Variants in CELF4 observed in about 807,000 individuals in gnomAD.
The protein encoded by CELF4 is CUG-BP- and ETR-3-like factor 4.
CELF4 carries 18 observed loss-of-function variants against 59.9 expected under a neutral mutation model. That is an observed-to-expected ratio of 0.30 (90% CI 0.21 to 0.45). CELF4 has a LOEUF of 0.45. CELF4 is among the 20% of genes least tolerant of loss of function. The pLI is 1.00. For missense variants in CELF4, 456 were observed against 689.0 expected, an observed-to-expected ratio of 0.66 and a Z score of 3.79; for synonymous variants, 261 against 267.1, an observed-to-expected ratio of 0.98 and a Z score of 0.22.
chr18:37,494,558 C>T (rs979384180), intron 1 of CELF4, among the ~76,000 whole-genome samples: 9 of 152,138 alleles, frequency 5.9e-5, no homozygotes, highest in African/African-American at 2.2e-4. Context: ...TGGCAGAGGG[C>T]CTTGATTTGC....
At chr18:37,563,390 T>C (rs12608014) in intron 1 of CELF4, among the ~76,000 whole-genome samples, 129,780 of 152,086 alleles carry the variant, frequency 0.85, 58,135 homozygotes, top group Non-Finnish European at 0.98. Flanking sequence ...TAAATCACCA[T>C]AAAAACTGAT....
At chr18:37,481,931 A>G (rs2099868458) in intron 2 of CELF4, among the ~76,000 whole-genome samples, 2 of 152,364 alleles carry the variant, frequency 1.3e-5, no homozygotes, top group South Asian at 2.1e-4. Context: ...AGGGATAATC[A>G]TGACATCTTC....
chr18:37,377,832 G>A (rs911225569), intron 2 of CELF4, among the ~76,000 whole-genome samples: 7 of 152,174 alleles, frequency 4.6e-5, no homozygotes, highest in Non-Finnish European at 8.8e-5. Context: ...CTGGAGGAAA[G>A]TGGGTTTCTG....
intron 2 of CELF4, among the ~76,000 whole-genome samples, chr18:37,325,799 A>T (rs1379857571): frequency 6.6e-6 from 1 of 152,234 alleles, no homozygotes; most frequent in Non-Finnish European, 1.5e-5. Context: ...CCATGCAGCC[A>T]TGGCTCCTGG....
chr18:37,366,746 T>C (rs1445357852), intron 2 of CELF4, among the ~76,000 whole-genome samples: 2 of 152,152 alleles, frequency 1.3e-5, no homozygotes, highest in Admixed American at 1.3e-4. Context: ...AGTAGCATCC[T>C]TGGGGTCACA....
At chr18:37,259,020 G>T in intron 11 of CELF4, 161 bp downstream of exon 11, 1 of 1,038,466 alleles carries the variant, frequency 9.6e-7, no homozygotes, top group Non-Finnish European at 1.4e-6. Flanking sequence ...TGGGGCGGGG[G>T]CAATGTGAAG....
At position 37,479,189 on chromosome 18, in the gene CELF4, C is replaced by T. The variant is rs114907830; in HGVS notation, c.369+6336G>A. On this transcript the variant is annotated intron_variant, in intron 2 of 12. Coordinates refer to ENST00000420428, the MANE Select transcript of CELF4 (RefSeq NM_020180.4). ...TGCTCCTGCCCGTACTCCCCACCTA[C>T]CCGGTGCTCACACCATTGGAGCTTT... is the stretch of plus-strand genomic sequence containing the variant. Among the ~76,000 whole-genome samples, 679 of 152,342 alleles carry T rather than the reference C, an allele frequency of 4.5e-3. 5 individuals carry two copies. The highest frequency in any genetic ancestry group is 0.016 in the African/African-American group (651 of 41,578).
chr18:37,489,641 A>G (rs1275169720), intron 1 of CELF4, among the ~76,000 whole-genome samples: 1 of 152,212 alleles, frequency 6.6e-6, no homozygotes, highest in Admixed American at 6.5e-5. Flanking sequence ...TCAGCCCAGC[A>G]GCCACTAATC....
chr18:37,499,516 T>C (rs1240015592), intron 1 of CELF4, among the ~76,000 whole-genome samples: 1 of 151,914 alleles, frequency 6.6e-6, no homozygotes, highest in Non-Finnish European at 1.5e-5. Flanking sequence ...CCCAAGAGGG[T>C]GGCAGGTCCC....
chr18:37,476,483 C>A (rs2099849458), intron 2 of CELF4, among the ~76,000 whole-genome samples: 2 of 152,230 alleles, frequency 1.3e-5, no homozygotes, highest in Non-Finnish European at 2.9e-5. Context: ...GAGACCTTAT[C>A]TCCCCTGCAC....
chr18:37,245,496 C>T lies in CELF4; in HGVS notation c.*45-299G>A, dbSNP rs143322136. 6.6e-6 allele frequency among the ~76,000 whole-genome samples: 1 copy of T among 152,168 alleles called. No individual in the cohort carries two copies. The highest frequency in any genetic ancestry group is 1.5e-5 in the Non-Finnish European group (1 of 68,012). Reference sequence around the variant, plus strand: ...TAGCATTCTGGATTGGGGGTAGCTACATCTAAGGGGAGAATTTGGGACTGC... The same window carrying T: ...TAGCATTCTGGATTGGGGGTAGCTATATCTAAGGGGAGAATTTGGGACTGC... On this transcript the variant is annotated intron_variant, in intron 12 of 12. Transcript: ENST00000420428. The surrounding 1 kb of genome is among the most constrained non-coding windows in gnomAD (Gnocchi z 4.1).
chr18:37,550,777 G>A (rs940419559), intron 1 of CELF4, among the ~76,000 whole-genome samples: 17 of 152,332 alleles, frequency 1.1e-4, no homozygotes, highest in African/African-American at 3.6e-4. Context: ...CCTGCCTCAC[G>A]CTGGCTCCCT....
At chr18:37,564,616 A>T (rs2099987580) in intron 1 of CELF4, among the ~76,000 whole-genome samples, 1 of 152,048 alleles carries the variant, frequency 6.6e-6, no homozygotes, top group Admixed American at 6.5e-5. Context: ...TTTTTCCCAA[A>T]GCCCCGCTTT....
chr18:37,305,083 A>T (rs2096308312), intron 3 of CELF4, among the ~76,000 whole-genome samples: 1 of 152,168 alleles, frequency 6.6e-6, no homozygotes, highest in Admixed American at 6.5e-5. Context: ...GAAATATAAA[A>T]ATATCTGGGA....
chr18:37,428,437 AAGCAG>A (rs2099627804), intron 2 of CELF4, among the ~76,000 whole-genome samples: 1 of 152,124 alleles, frequency 6.6e-6, no homozygotes, highest in Non-Finnish European at 1.5e-5. Context: ...AGGAGGTGCT[AAGCAG>A]AGAGGTTTTT....
intron 1 of CELF4, among the ~76,000 whole-genome samples, chr18:37,547,165 G>GTA (rs1367299475): frequency 6.6e-6 from 1 of 150,466 alleles, no homozygotes; most frequent in Non-Finnish European, 1.5e-5. Flanking sequence ...TGTGTGGTGT[G>GTA]TGTGTGTGTG....
At position 37,253,502 on chromosome 18, in the gene CELF4, G is replaced by C. The variant is rs2066866666; in HGVS notation, c.*44+265C>G. Among the ~76,000 whole-genome samples, 1 of 152,196 alleles carries C rather than the reference G, an allele frequency of 6.6e-6. No individual in the cohort carries two copies. The highest frequency in any genetic ancestry group is 1.5e-5 in the Non-Finnish European group (1 of 68,026). On this transcript the variant is annotated intron_variant, in intron 12 of 12. Coordinates refer to ENST00000420428, the MANE Select transcript of CELF4 (RefSeq NM_020180.4). This position sits in a 1 kb window ranked among gnomAD's most constrained non-coding sequence, Gnocchi z 4.5. ...TGCCAATGTAGACCCGGAGGCGCAG[G>C]CCCAGGGCTCGCCTCACCCGCCCGG...
intron 2 of CELF4, among the ~76,000 whole-genome samples, chr18:37,364,453 T>C (rs1191687381): frequency 6.6e-6 from 1 of 152,198 alleles, no homozygotes; most frequent in Non-Finnish European, 1.5e-5. Flanking sequence ...GAAGACAGCA[T>C]GGAACACAAG....
At chr18:37,337,109 G>T (rs2097796171) in intron 2 of CELF4, among the ~76,000 whole-genome samples, 1 of 151,914 alleles carries the variant, frequency 6.6e-6, no homozygotes. Flanking sequence ...TCCTGTCTCT[G>T]CTTCCTCCTC....
Sources: gnomAD v4.1 joint callset for allele counts (sites outside exome capture counted in the v4.1 genomes callset) on GRCh38, gnomAD v4.1.1 for gene constraint, Gnocchi (gnomAD v3.1) non-coding constraint, MANE v1.5 for transcripts, NCBI Gene and HGNC (gene_info 2026-07-23, HGNC 2026-07-21) for gene names.